ZFHX3: variants seen among roughly 807,000 people sequenced by gnomAD.
ZFHX3 encodes zinc finger homeobox 3.
In ZFHX3, 42 loss-of-function variants were observed where a neutral mutation model predicts 279.1. The ratio of observed to expected loss-of-function variants is 0.15; its 90% CI spans 0.12 to 0.19. The LOEUF is 0.19. Ranked by LOEUF, ZFHX3 falls within the 10% of genes least tolerant of loss-of-function variation. ZFHX3 has a pLI of 1.00. For missense variants in ZFHX3, 4,981 were observed against 4,754.0 expected (o/e 1.05, Z -1.40); for synonymous variants, 2,293 against 1,957.8 (o/e 1.17, Z -4.52).
chr16:73,576,103 G>A (rs1006149407), intron 2 of ZFHX3, among the ~76,000 whole-genome samples: 3 of 152,102 alleles, frequency 2.0e-5, no homozygotes, highest in Non-Finnish European at 4.4e-5. Flanking sequence ...TCACTAAAAT[G>A]AGCATGGCAC....
chr16:73,851,816 G>A (rs1338405800), intron 1 of ZFHX3, among the ~76,000 whole-genome samples: 1 of 152,172 alleles, frequency 6.6e-6, no homozygotes, highest in Non-Finnish European at 1.5e-5. Context: ...ACAGATTTGT[G>A]TGTGTCTTGG....
chr16:73,145,886 C>T (rs1039350688), intron 5 of ZFHX3, among the ~76,000 whole-genome samples: 3 of 152,180 alleles, frequency 2.0e-5, no homozygotes, highest in Non-Finnish European at 4.4e-5. Flanking sequence ...AAAAAGAAGG[C>T]AATCAATGTG....
At chr16:73,433,992 G>A (rs1334764331) in intron 3 of ZFHX3, among the ~76,000 whole-genome samples, 1 of 152,198 alleles carries the variant, frequency 6.6e-6, no homozygotes, top group Non-Finnish European at 1.5e-5. Flanking sequence ...TCCCTTCTGG[G>A]AGGGGGGCGA....
intron 5 of ZFHX3, among the ~76,000 whole-genome samples, chr16:73,225,624 G>T (rs942610314): frequency 1.3e-5 from 2 of 152,148 alleles, no homozygotes; most frequent in Non-Finnish European, 2.9e-5. Flanking sequence ...AAATTGAAAA[G>T]ATTTGAATAA....
chr16:73,339,984 T>C (rs180748669), intron 3 of ZFHX3, among the ~76,000 whole-genome samples: 1 of 152,238 alleles, frequency 6.6e-6, no homozygotes, highest in Non-Finnish European at 1.5e-5. Context: ...AGAGTCACCT[T>C]TGGGCCAGAA....
Position 73,689,283 on chromosome 16 carries a change from C to G in ZFHX3, c.-1607-9043G>C, listed in dbSNP as rs138546173. Among the ~76,000 whole-genome samples the G allele has an allele frequency of 6.0e-3, 916 of 152,248 alleles. 8 individuals are homozygous for G. Among genetic ancestry groups the G allele is most frequent in the Non-Finnish European group, 9.8e-3 (670 of 68,026 alleles). ...ATGATTTCACATTATGCTCTGGGGA[C>G]AGGGGGGTTTTAGGAAGCCCCCAAA... is the stretch of plus-strand genomic sequence containing the variant. On this transcript the variant is annotated intron_variant, in intron 1 of 17. Coordinates refer to the ZFHX3 transcript ENST00000641206.
chr16:72,860,125 G>A (rs969720998), intron 4 of ZFHX3, among the ~76,000 whole-genome samples: 1 of 152,078 alleles, frequency 6.6e-6, no homozygotes, highest in South Asian at 2.1e-4. Context: ...TCCTGGTCTC[G>A]TTACCGATTA....
intron 4 of ZFHX3, among the ~76,000 whole-genome samples, chr16:72,888,490 C>G (rs1211770518): frequency 1.3e-5 from 2 of 152,160 alleles, no homozygotes; most frequent in African/African-American, 4.8e-5. Context: ...TTTGGCAGCA[C>G]CAGGACACAA....
chr16:73,692,997 G>A (rs1426571724), intron 1 of ZFHX3, among the ~76,000 whole-genome samples: 3 of 152,136 alleles, frequency 2.0e-5, no homozygotes, highest in Non-Finnish European at 4.4e-5. Context: ...AAATAGGATC[G>A]CAGATGAATG....
intron 5 of ZFHX3, among the ~76,000 whole-genome samples, chr16:73,179,318 A>G (rs1028383410): frequency 5.3e-5 from 8 of 152,192 alleles, no homozygotes; most frequent in African/African-American, 1.9e-4. Context: ...ACCTACAAGT[A>G]ACACAAGTAG....
In ZFHX3 at chr16:73,139,670, C is replaced by T. The variant is rs958488661; in HGVS notation, c.-1024+4082G>A. ...ATGATGGGAACAGGGAGTTGGCTGC[C>T]GCCGTGATGCTCCAACTCTTTATTC... is the stretch of plus-strand genomic sequence containing the variant. On this transcript the variant is annotated intron_variant, in intron 6 of 17. Coordinates refer to the ZFHX3 transcript ENST00000641206. Among the ~76,000 whole-genome samples, 7 of 152,142 alleles carry T rather than the reference C, an allele frequency of 4.6e-5. No individual in the cohort carries two copies. In the South Asian group the frequency reaches 8.3e-4, roughly 18 times the overall value.
chr16:73,499,288 G>A (rs1310026676), intron 2 of ZFHX3: 1 of 152,186 alleles, frequency 6.6e-6, no homozygotes, highest in Non-Finnish European at 1.5e-5. Context: ...ATGCCAGAGA[G>A]AGCGGCAACT....
At chr16:73,866,170 T>C (rs1020198269) in intron 1 of ZFHX3, among the ~76,000 whole-genome samples, 2 of 16,408 alleles carry the variant, frequency 1.2e-4, no homozygotes, top group African/African-American at 5.3e-4. Flanking sequence ...GCCAGGCTAA[T>C]TTTTTTTTTT....
At chr16:72,900,256 G>C (rs931761098) in intron 3 of ZFHX3, among the ~76,000 whole-genome samples, 2 of 152,150 alleles carry the variant, frequency 1.3e-5, no homozygotes, top group Non-Finnish European at 1.5e-5. Context: ...TGGGTGAGGA[G>C]CAGGGAAGGG....
intron 6 of ZFHX3, among the ~76,000 whole-genome samples, chr16:73,132,182 G>A (rs1010973983): frequency 5.3e-5 from 8 of 152,154 alleles, no homozygotes; most frequent in Non-Finnish European, 1.2e-4. Flanking sequence ...CTACTCCGGA[G>A]GCTGATGTCA....
intron 1 of ZFHX3, among the ~76,000 whole-genome samples, chr16:73,706,514 A>T (rs2053306457): frequency 6.6e-6 from 1 of 151,742 alleles, no homozygotes; most frequent in African/African-American, 2.4e-5. Context: ...ATCATCTTTC[A>T]TCCATGGCCC....
chr16:73,558,378 T>A (rs988807585), intron 2 of ZFHX3: 1 of 152,242 alleles, frequency 6.6e-6, no homozygotes, highest in African/African-American at 2.4e-5. Flanking sequence ...GAAAGGCACC[T>A]GGTACTTTCT....
At chr16:73,726,212 T>G (rs1438556109) in intron 1 of ZFHX3, among the ~76,000 whole-genome samples, 1 of 152,172 alleles carries the variant, frequency 6.6e-6, no homozygotes, top group Admixed American at 6.5e-5. Context: ...CATAAGTGTG[T>G]AGTTCCTTCC....
intron 5 of ZFHX3, among the ~76,000 whole-genome samples, chr16:73,181,724 A>C (rs1029797390): frequency 1.3e-5 from 2 of 152,194 alleles, no homozygotes; most frequent in African/African-American, 4.8e-5. Flanking sequence ...ATGATCATCT[A>C]TGCAATGTCA....
Sources: allele counts gnomAD v4.1 joint callset (sites outside exome capture counted in the v4.1 genomes callset), GRCh38; gene constraint gnomAD v4.1.1; transcripts MANE v1.5; gene names NCBI Gene and HGNC (gene_info 2026-07-23, HGNC 2026-07-21).